Variants in TLL1 observed in about 807,000 individuals in gnomAD.
The protein encoded by TLL1 is tolloid like 1, also known as tolloid-like protein 1.
TLL1 carries 49 observed loss-of-function variants against 128.2 expected under a neutral mutation model. The ratio of observed to expected loss-of-function variants is 0.38; its 90% CI spans 0.30 to 0.48. TLL1 has a LOEUF of 0.48. Ranked by LOEUF, TLL1 falls within the 20% of genes least tolerant of loss-of-function variation. The pLI is 0.96. For missense variants in TLL1, 1,123 were observed against 1,242.0 expected, an observed-to-expected ratio of 0.90 and a Z score of 1.44; for synonymous variants, 454 against 418.8, an observed-to-expected ratio of 1.08 and a Z score of -1.03.
chr4:166,051,273 CCCTCCCTT>C (rs1739713315), intron 12 of TLL1, among the ~76,000 whole-genome samples: 1 of 123,252 alleles, frequency 8.1e-6, no homozygotes, highest in Non-Finnish European at 1.8e-5. Context: ...CTCCCTCCCT[CCCTCCCTT>C]CTTTCTTCCC....
At chr4:166,082,567 G>A (rs1026502511) in intron 18 of TLL1, among the ~76,000 whole-genome samples, 19 of 151,964 alleles carry the variant, frequency 1.3e-4, no homozygotes, top group African/African-American at 1.7e-4. Context: ...TCATCTACTC[G>A]TGTACTTTGA....
chr4:166,101,012 C>T lies in TLL1; in HGVS notation c.*136C>T. The T allele has an allele frequency of 1.7e-6, 2 of 1,149,382 alleles. No individual in the cohort carries two copies. The highest frequency in any genetic ancestry group is 2.5e-6 in the Non-Finnish European group (2 of 811,362). 71.2% of individuals were successfully genotyped at this position (1,149,382 alleles called of 1,614,324 possible). A position where few individuals can be genotyped will look rare whatever the true frequency, so the allele number is the denominator to read the frequency against. On this transcript the variant is annotated 3_prime_UTR_variant, in exon 21 of 21. Coordinates refer to ENST00000061240, the MANE Select transcript of TLL1 (RefSeq NM_012464.5). ...AAAATCCCTGTAAGACCAGAATTAT[C>T]TTTGTACTAAAAGAGAAGTTTCCAG...
intron 1 of TLL1, among the ~76,000 whole-genome samples, chr4:165,885,736 GGATT>G (rs1561005987): frequency 1.6e-4 from 24 of 152,234 alleles, no homozygotes; most frequent in African/African-American, 5.3e-4. Flanking sequence ...GGAAAAAAAT[GGATT>G]GGTATATTGG....
At chr4:165,898,884 T>G (rs1036853418) in intron 1 of TLL1, among the ~76,000 whole-genome samples, 41 of 152,344 alleles carry the variant, frequency 2.7e-4, no homozygotes, top group African/African-American at 9.9e-4. Context: ...GGCAGCCTAT[T>G]AATTACTGCC....
At position 165,875,936 on chromosome 4, in the gene TLL1, T is replaced by C. The variant is rs749428505; in HGVS notation, c.169+1863T>C. 6.6e-5 allele frequency among the ~76,000 whole-genome samples: 10 copies of C among 152,336 alleles called. No individual in the cohort carries two copies. The South Asian group carries it at 1.4e-3, about 22-fold the overall frequency. ...AAAAAAAAACTTTAATAGCATTTAC[T>C]TTTTGTTTCCCCTTTGATGCTGGTT... On this transcript the variant is annotated intron_variant, in intron 1 of 20. Coordinates refer to ENST00000061240, the MANE Select transcript of TLL1 (RefSeq NM_012464.5).
At chr4:165,981,631 T>A (rs1036973093) in intron 1 of TLL1, among the ~76,000 whole-genome samples, 6 of 152,084 alleles carry the variant, frequency 3.9e-5, no homozygotes, top group African/African-American at 1.4e-4. Context: ...TTAGTATTCA[T>A]GTGTATATGG....
intron 1 of TLL1, among the ~76,000 whole-genome samples, chr4:165,977,283 T>C (rs1328956284): frequency 6.6e-6 from 1 of 152,086 alleles, no homozygotes; most frequent in African/African-American, 2.4e-5. Flanking sequence ...GAGTGAGTTC[T>C]TGTGAGAGTG....
At chr4:166,053,576 AT>A (rs957491666) in intron 12 of TLL1, among the ~76,000 whole-genome samples, 7 of 151,856 alleles carry the variant, frequency 4.6e-5, no homozygotes, top group South Asian at 2.1e-4. Flanking sequence ...TTCAAAGTGT[AT>A]TTTTTTTGTT....
At chr4:166,088,804 T>C (rs1263657114) in intron 18 of TLL1, among the ~76,000 whole-genome samples, 3 of 152,096 alleles carry the variant, frequency 2.0e-5, no homozygotes, top group Non-Finnish European at 4.4e-5. Context: ...GCACACCAGC[T>C]CAATGCTACT....
chr4:165,968,167 A>G (rs1266775800), intron 1 of TLL1, among the ~76,000 whole-genome samples: 1 of 152,190 alleles, frequency 6.6e-6, no homozygotes, highest in Non-Finnish European at 1.5e-5. Context: ...TTGGTCTCCA[A>G]ATTTTGTTCC....
chr4:165,891,186 C>G (rs1731386302), intron 1 of TLL1, among the ~76,000 whole-genome samples: 2 of 152,114 alleles, frequency 1.3e-5, no homozygotes, highest in African/African-American at 4.8e-5. Context: ...TTTTTTCCTC[C>G]CAAGCCTTCT....
In TLL1 at chr4:166,044,264, G is replaced by T; in HGVS notation, c.1524+845G>T. On this transcript the variant is annotated intron_variant, in intron 12 of 20. Transcript: ENST00000061240. ...GACTAATTCACTAAGTGATCAGAAG[G>T]TAGTCATGAGCCCTACTACCCAGTG... 3 of 837,116 alleles carry T rather than the reference G, an allele frequency of 3.6e-6. No homozygotes were observed. The East Asian group carries it at 8.2e-5, about 23-fold the overall frequency. 51.9% of individuals were successfully genotyped at this position (837,116 alleles called of 1,614,324 possible).
rs556153678 is a variant in TLL1, at chr4:166,003,259, A to C, written c.633-132A>C. The stretch of plus-strand genomic sequence containing the variant: ...TACCAGAAACTAGTCATATGTAGTA[A>C]TAAGAGGTTGTTCTGTTCCTGAATG... On this transcript the variant is annotated intron_variant, in intron 5 of 20. Transcript: ENST00000061240. 109 of 848,226 alleles carry C rather than the reference A, an allele frequency of 1.3e-4. 1 individual carries two copies. The highest frequency in any genetic ancestry group is 1.3e-3 in the South Asian group (90 of 70,674). The allele number at this position is 848,226 out of a possible 1,614,324, so 52.5% of individuals were successfully genotyped here.
chr4:165,991,114 T>A (rs1044153037), intron 2 of TLL1, among the ~76,000 whole-genome samples: 14 of 152,002 alleles, frequency 9.2e-5, no homozygotes, highest in South Asian at 2.1e-4. Flanking sequence ...TTCTTTGACC[T>A]CCCTTCTCCC....
At chr4:166,062,224 C>T (rs1740350750) in intron 15 of TLL1, among the ~76,000 whole-genome samples, 1 of 152,064 alleles carries the variant, frequency 6.6e-6, no homozygotes, top group South Asian at 2.1e-4. Context: ...TCCATATGAA[C>T]TTTAAAGTAG....
At chr4:166,053,323 GCTTT>G (rs1385396540) in intron 12 of TLL1, 2 of 151,774 alleles carry the variant, frequency 1.3e-5, no homozygotes, top group Non-Finnish European at 2.9e-5. Flanking sequence ...ATCTTGCTAC[GCTTT>G]CTATTTTTCC....
intron 18 of TLL1, among the ~76,000 whole-genome samples, chr4:166,083,065 C>T (rs1385236516): frequency 1.3e-5 from 2 of 152,030 alleles, no homozygotes; most frequent in African/African-American, 2.4e-5. Flanking sequence ...CTTCTTAGGT[C>T]AAGAACTCCT....
Position 166,103,095 on chromosome 4 carries a change from T to G in TLL1, c.*2219T>G, listed in dbSNP as rs1295549701. Reference sequence around the variant, plus strand: ...CAGAAAGTGAGGCTCAAAGAATTTATGTAACCTTCCCAGAGTCACAGTGTA... The same window carrying G: ...CAGAAAGTGAGGCTCAAAGAATTTAGGTAACCTTCCCAGAGTCACAGTGTA... On this transcript the variant is annotated 3_prime_UTR_variant, in exon 21 of 21. Transcript: ENST00000061240. 6.6e-6 allele frequency: 1 copy of G among 151,920 alleles called. No individual in the cohort carries two copies. Among genetic ancestry groups the G allele is most frequent in the Non-Finnish European group, 1.5e-5 (1 of 67,884 alleles). 9.4% of individuals were successfully genotyped at this position (151,920 alleles called of 1,614,324 possible).
intron 8 of TLL1, among the ~76,000 whole-genome samples, chr4:166,015,857 GT>G (rs143975584): frequency 0.2 from 28,968 of 144,854 alleles, 2,977 homozygotes; most frequent in East Asian, 0.38. Context: ...AAGAAATTAT[GT>G]TTTTTTTTTT....
Sources: gnomAD v4.1 joint callset for allele counts (sites outside exome capture counted in the v4.1 genomes callset) on GRCh38, gnomAD v4.1.1 for gene constraint, MANE v1.5 for transcripts, NCBI Gene and HGNC (gene_info 2026-07-23, HGNC 2026-07-21) for gene names.